ST18: variants seen among roughly 807,000 people sequenced by gnomAD.
The protein encoded by ST18 is suppression of tumorigenicity 18 protein.
In ST18, 50 loss-of-function variants were observed where a neutral mutation model predicts 110.0. That is an observed-to-expected ratio of 0.45 (90% CI 0.36 to 0.58). The LOEUF (loss-of-function observed/expected upper bound fraction) is 0.58. Among genes scored for constraint, ST18 ranks in the 20% least tolerant of loss-of-function variants. The probability of loss-of-function intolerance (pLI) is 0.00; values close to 1 mark genes in which losing one functional copy is unlikely to be tolerated. For missense variants in ST18, 1,306 were observed against 1,280.1 expected (o/e 1.02, Z -0.31); for synonymous variants, 461 against 452.4 (o/e 1.02, Z -0.24).
intron 2 of ST18, among the ~76,000 whole-genome samples, chr8:52,399,591 A>G (rs1052482954): frequency 2.0e-5 from 3 of 151,182 alleles, no homozygotes; most frequent in African/African-American, 7.3e-5. Context: ...GCCTCTTAGT[A>G]CTATTGTTGT....
chr8:52,163,487 A>G (rs1437711435), intron 13 of ST18, among the ~76,000 whole-genome samples: 1 of 152,222 alleles, frequency 6.6e-6, no homozygotes, highest in East Asian at 1.9e-4. Context: ...TACCAGGACC[A>G]ATAGGAGATA....
intron 2 of ST18, among the ~76,000 whole-genome samples, chr8:52,391,857 C>T (rs899355257): frequency 3.9e-5 from 6 of 152,036 alleles, no homozygotes; most frequent in Admixed American, 3.3e-4. Flanking sequence ...TGAACTATGA[C>T]TTGAATAATG....
chr8:52,386,310 A>C (rs904095772), intron 2 of ST18, among the ~76,000 whole-genome samples: 3 of 152,250 alleles, frequency 2.0e-5, no homozygotes, highest in Admixed American at 6.5e-5. Flanking sequence ...CAACTATGTC[A>C]AAAATACAAA....
At chr8:52,247,432 A>C (rs959199392) in intron 2 of ST18, among the ~76,000 whole-genome samples, 1 of 152,182 alleles carries the variant, frequency 6.6e-6, no homozygotes, top group African/African-American at 2.4e-5. Flanking sequence ...ATTTCTGTAA[A>C]AGTAACTCCA....
At chr8:52,303,338 CTTTATG>C (rs1254324505) in intron 2 of ST18, among the ~76,000 whole-genome samples, 3 of 152,222 alleles carry the variant, frequency 2.0e-5, no homozygotes, top group African/African-American at 7.2e-5. Context: ...GCCTTCGTCC[CTTTATG>C]TTTGTGTTTT....
chr8:52,327,241 A>G (rs1200574666), intron 2 of ST18, among the ~76,000 whole-genome samples: 1 of 152,166 alleles, frequency 6.6e-6, no homozygotes, highest in Non-Finnish European at 1.5e-5. Flanking sequence ...ATTCTCCCAT[A>G]CCAATGGGAT....
chr8:52,144,414 G>GA (rs2056468275), intron 16 of ST18, among the ~76,000 whole-genome samples: 1 of 151,770 alleles, frequency 6.6e-6, no homozygotes, highest in African/African-American at 2.4e-5. Flanking sequence ...AAAGCAATAT[G>GA]AAAAAAACAA....
At chr8:52,228,984 G>A (rs563549636) in intron 3 of ST18, among the ~76,000 whole-genome samples, 1 of 152,260 alleles carries the variant, frequency 6.6e-6, no homozygotes, top group Non-Finnish European at 1.5e-5. Flanking sequence ...ATCATATAAA[G>A]AATTTCTGAT....
At chr8:52,268,962 C>T (rs138798494) in intron 2 of ST18, among the ~76,000 whole-genome samples, 57 of 152,326 alleles carry the variant, frequency 3.7e-4, no homozygotes, top group African/African-American at 1.3e-3. Flanking sequence ...CAGTGCCCTC[C>T]GCAGCATCTT....
intron 17 of ST18, among the ~76,000 whole-genome samples, chr8:52,138,779 A>C (rs1256204562): frequency 6.6e-6 from 1 of 152,198 alleles, no homozygotes; most frequent in Non-Finnish European, 1.5e-5. Context: ...GGGGAACATC[A>C]ACTACACCAG....
At chr8:52,351,730 G>A (rs911692393) in intron 2 of ST18, among the ~76,000 whole-genome samples, 2 of 152,132 alleles carry the variant, frequency 1.3e-5, no homozygotes, top group Non-Finnish European at 2.9e-5. Context: ...TGAAGACTTG[G>A]GGCAACTTCT....
intron 2 of ST18, among the ~76,000 whole-genome samples, chr8:52,275,003 T>C (rs73679027): frequency 0.039 from 5,938 of 152,266 alleles, 412 homozygotes; most frequent in African/African-American, 0.14. Flanking sequence ...TTGTGACATT[T>C]TAATTCTGAT....
intron 22 of ST18, among the ~76,000 whole-genome samples, chr8:52,130,148 A>AAAGAAAGG (rs2048913761): frequency 6.6e-6 from 1 of 151,482 alleles, no homozygotes; most frequent in African/African-American, 2.4e-5. Context: ...AGAAAGAAAG[A>AAAGAAAGG]AAGAAAGAAA....
chr8:52,173,933 G>T (rs1277487637), intron 9 of ST18, among the ~76,000 whole-genome samples: 1 of 152,168 alleles, frequency 6.6e-6, no homozygotes, highest in Non-Finnish European at 1.5e-5. Flanking sequence ...CTCTGACAAG[G>T]ACACTCAAAA....
chr8:52,179,742 G>C (rs1019941087), intron 9 of ST18, among the ~76,000 whole-genome samples: 3 of 151,920 alleles, frequency 2.0e-5, no homozygotes, highest in Admixed American at 1.3e-4. Context: ...TCATTGCAAA[G>C]GTGTCTTAAA....
At position 52,353,932 on chromosome 8, in the gene ST18, G is replaced by A. The variant is rs550296352; in HGVS notation, c.-465+55396C>T. ...GCCCATGGTGTAGCTACAAAGTCCA[G>A]AAGATGCCTCTCTATTTCTCAGCCC... On this transcript the variant is annotated intron_variant, in intron 2 of 25. Transcript: ENST00000689386. 6.2e-4 allele frequency among the ~76,000 whole-genome samples: 94 copies of A among 152,324 alleles called. No homozygotes were observed. The Middle Eastern group carries it at 0.01, about 17-fold the overall frequency.
At chr8:52,223,734 A>T (rs1364283801) in intron 3 of ST18, among the ~76,000 whole-genome samples, 2 of 152,130 alleles carry the variant, frequency 1.3e-5, no homozygotes, top group Non-Finnish European at 2.9e-5. Flanking sequence ...AAATTTATTG[A>T]AAGGGCAAGT....
At chr8:52,358,955 C>T (rs1485463900) in intron 2 of ST18, among the ~76,000 whole-genome samples, 1 of 151,760 alleles carries the variant, frequency 6.6e-6, no homozygotes, top group Non-Finnish European at 1.5e-5. Flanking sequence ...TATGAATATA[C>T]AAGCAAAAAT....
At chr8:52,354,780 A>G (rs1432112033) in intron 2 of ST18, among the ~76,000 whole-genome samples, 1 of 152,168 alleles carries the variant, frequency 6.6e-6, no homozygotes, top group Non-Finnish European at 1.5e-5. Context: ...AAGAAAGAGA[A>G]GGGATCAAGA....
Sources: allele counts gnomAD v4.1 joint callset (sites outside exome capture counted in the v4.1 genomes callset), GRCh38; gene constraint gnomAD v4.1.1; transcripts MANE v1.5; gene names NCBI Gene and HGNC (gene_info 2026-07-23, HGNC 2026-07-21).